TEAD1: variants seen among roughly 807,000 people sequenced by gnomAD.
TEAD1 encodes the protein TEA domain transcription factor 1.
A neutral mutation model predicts 54.9 loss-of-function variants in TEAD1; 9 were observed. That is an observed-to-expected ratio of 0.16 (90% confidence interval 0.10 to 0.29). TEAD1 has a LOEUF of 0.29. TEAD1 is among the 10% of genes least tolerant of loss of function. The pLI is 1.00. For synonymous variants in TEAD1, 200 were observed against 187.8 expected, an observed-to-expected ratio of 1.07 and a Z score of -0.53; for missense variants, 387 against 535.9, an observed-to-expected ratio of 0.72 and a Z score of 2.74.
chr11:12,924,993 A>G lies in TEAD1; in HGVS notation c.955A>G (p.Thr319Ala), dbSNP rs1235136844. The G allele has an allele frequency of 1.2e-6, 2 of 1,614,176 alleles. No homozygotes were observed. Among genetic ancestry groups the G allele is most frequent in the Non-Finnish European group, 1.7e-6 (2 of 1,180,038 alleles). ...TCAGTACGAGAGTTCTGAAAATATGACAGTCACCTGTTCCACCAAAGTTTG... is the reference window on the plus strand; with the variant it reads ...TCAGTACGAGAGTTCTGAAAATATGGCAGTCACCTGTTCCACCAAAGTTTG... The change falls in exon 11 of 13, where the codon ACA becomes GCA. Residue 319 changes from threonine (T) to alanine (A), a missense_variant. By Grantham distance (58) the Thr-to-Ala change is moderately conservative. This residue lies in a region of TEAD1 where 123 missense variants were observed against 199.0 expected (regional missense o/e 0.62). Transcript: ENST00000527636.
chr11:12,689,013 GT>G (rs369957262), intron 2 of TEAD1, among the ~76,000 whole-genome samples: 1,839 of 134,770 alleles, frequency 0.014, 34 homozygotes, highest in African/African-American at 0.048. Flanking sequence ...TTGTTTTTCT[GT>G]TTTTTTTTTT....
intron 2 of TEAD1, among the ~76,000 whole-genome samples, chr11:12,696,084 ACTGTACAG>A (rs1943574937): frequency 6.6e-6 from 1 of 152,254 alleles, no homozygotes; most frequent in South Asian, 2.1e-4. Flanking sequence ...TGAGGCTCTG[ACTGTACAG>A]CTGTGCCTCC....
At chr11:12,901,593 G>A (rs1426923963) in intron 9 of TEAD1, among the ~76,000 whole-genome samples, 1 of 152,206 alleles carries the variant, frequency 6.6e-6, no homozygotes, top group African/African-American at 2.4e-5. Flanking sequence ...GGGCTCCAAA[G>A]AGTATCACTT....
chr11:12,686,445 A>G (rs1398672186), intron 2 of TEAD1, among the ~76,000 whole-genome samples: 2 of 152,180 alleles, frequency 1.3e-5, no homozygotes, highest in Non-Finnish European at 2.9e-5. Context: ...CTGTGGATGC[A>G]CTCATAAGTA....
chr11:12,697,350 A>G (rs1943607649), intron 2 of TEAD1, among the ~76,000 whole-genome samples: 1 of 152,238 alleles, frequency 6.6e-6, no homozygotes, highest in Non-Finnish European at 1.5e-5. Flanking sequence ...CAAGGAGACC[A>G]GTATGGTTGG....
intron 12 of TEAD1, among the ~76,000 whole-genome samples, chr11:12,934,013 T>G (rs1949055689): frequency 6.6e-6 from 1 of 152,140 alleles, no homozygotes; most frequent in Non-Finnish European, 1.5e-5. Context: ...GAAATACAAT[T>G]TGACCCAGCC....
intron 2 of TEAD1, among the ~76,000 whole-genome samples, chr11:12,682,545 A>G (rs1348003707): frequency 2.6e-5 from 4 of 152,210 alleles, no homozygotes; most frequent in East Asian, 1.9e-4. Flanking sequence ...AGGAAGGGTA[A>G]TCCTGACGGC....
intron 9 of TEAD1, among the ~76,000 whole-genome samples, chr11:12,888,490 CAA>C (rs757894613): frequency 3.9e-5 from 6 of 152,068 alleles, no homozygotes; most frequent in African/African-American, 9.7e-5. Context: ...GCCTGGGTGA[CAA>C]GAGTGAAACT....
intron 3 of TEAD1, among the ~76,000 whole-genome samples, chr11:12,808,270 G>A (rs1009557756): frequency 1.6e-4 from 25 of 152,076 alleles, no homozygotes; most frequent in Admixed American, 3.3e-4. Flanking sequence ...ATAAAATAAC[G>A]CTTAGAATGA....
chr11:12,857,941 T>C (rs1239042095), intron 3 of TEAD1, among the ~76,000 whole-genome samples: 1 of 151,930 alleles, frequency 6.6e-6, no homozygotes, highest in African/African-American at 2.4e-5. Flanking sequence ...CAAAAGTTGG[T>C]CTGGTATGGT....
chr11:12,810,840 T>G (rs1162477251), intron 3 of TEAD1, among the ~76,000 whole-genome samples: 1 of 152,226 alleles, frequency 6.6e-6, no homozygotes, highest in Non-Finnish European at 1.5e-5. Context: ...CTTCCTTTAG[T>G]GGCTGCTGTT....
rs762809198 is a variant in TEAD1 at position 12,902,029 on chromosome 11, T to C, written c.789T>C (p.Tyr263=). The change falls in exon 10 of 13, where the codon TAT becomes TAC. Residue 263 remains tyrosine, a synonymous_variant. Transcript: ENST00000527636. ...AATCAGTGGACATTCGTCAGATTTA[T>C]GACAAATTTCCTGAAAAGAAAGGTG... The C allele has an allele frequency of 1.9e-6, 3 of 1,614,258 alleles. No homozygotes were observed. In the South Asian group the frequency reaches 3.3e-5, roughly 18 times the overall value.
intron 2 of TEAD1, among the ~76,000 whole-genome samples, chr11:12,763,505 G>T (rs998573167): frequency 2.6e-5 from 4 of 152,198 alleles, no homozygotes; most frequent in African/African-American, 9.7e-5. Flanking sequence ...AGAGATAAAT[G>T]ACATAGGTCC....
intron 3 of TEAD1, among the ~76,000 whole-genome samples, chr11:12,807,771 A>C (rs1429948594): frequency 1.3e-5 from 2 of 152,170 alleles, no homozygotes; most frequent in Non-Finnish European, 2.9e-5. Flanking sequence ...CTTCTCCCGG[A>C]GTTTACCTGT....
intron 2 of TEAD1, among the ~76,000 whole-genome samples, chr11:12,742,587 T>C (rs572805806): frequency 6.6e-6 from 1 of 152,276 alleles, no homozygotes; most frequent in South Asian, 2.1e-4. Flanking sequence ...AATGTTCTTA[T>C]CACAAAGAAA....
rs1012403106 is a variant in TEAD1, at chr11:12,938,601, C to T, written c.*1379C>T. On this transcript the variant is annotated 3_prime_UTR_variant, in exon 13 of 13. Coordinates refer to ENST00000527636, the MANE Select transcript of TEAD1 (RefSeq NM_021961.6). ...TAGCGTCTCTCAGTAAGTTACAGTA[C>T]TTGTTTGACTTAGGTTTAAGAGGCC... The T allele has an allele frequency of 6.6e-6, 1 of 152,196 alleles. No homozygotes were observed. The highest frequency in any genetic ancestry group is 1.5e-5 in the Non-Finnish European group (1 of 68,052). 9.4% of individuals were successfully genotyped at this position (152,196 alleles called of 1,614,324 possible). A position where few individuals can be genotyped will look rare whatever the true frequency, so the allele number is the denominator to read the frequency against.
At chr11:12,935,296 C>T (rs969098245) in intron 12 of TEAD1, among the ~76,000 whole-genome samples, 12 of 152,054 alleles carry the variant, frequency 7.9e-5, no homozygotes, top group South Asian at 2.1e-4. Flanking sequence ...CCTCTCAGCT[C>T]CTTCCCTGTC....
chr11:12,694,647 C>T (rs1464407703), intron 2 of TEAD1, among the ~76,000 whole-genome samples: 1 of 152,088 alleles, frequency 6.6e-6, no homozygotes, highest in Non-Finnish European at 1.5e-5. Context: ...CTCACTGTTG[C>T]TTTGTGCTTT....
intron 2 of TEAD1, among the ~76,000 whole-genome samples, chr11:12,684,394 T>A (rs996125311): frequency 6.6e-6 from 1 of 152,142 alleles, no homozygotes; most frequent in African/African-American, 2.4e-5. Flanking sequence ...AACATTGGGG[T>A]TGGGTTGTAA....
Sources: allele counts gnomAD v4.1 joint callset (sites outside exome capture counted in the v4.1 genomes callset), GRCh38; gene constraint gnomAD v4.1.1; regional missense constraint gnomAD v4.1.1; transcripts MANE v1.5; gene names NCBI Gene and HGNC (gene_info 2026-07-23, HGNC 2026-07-21).